Variants in MC2R observed in about 807,000 individuals in gnomAD.
The protein encoded by MC2R is melanocortin 2 receptor, also known as adrenocorticotropic hormone receptor.
MC2R carries 9 observed loss-of-function variants against 9.8 expected under a neutral mutation model. The observed-to-expected ratio is 0.92, with a 90% CI of 0.55 to 1.60. The LOEUF is 1.60. Ranked by LOEUF, MC2R falls within the 40% of genes most tolerant of loss-of-function variation. MC2R has a pLI of 0.00. For missense variants in MC2R, 370 were observed against 389.0 expected (o/e 0.95, Z 0.41); for synonymous variants, 185 against 154.7 (o/e 1.20, Z -1.45).
At chr18:13,889,453 A>G (rs2045300293) in intron 1 of MC2R, among the ~76,000 whole-genome samples, 1 of 152,198 alleles carries the variant, frequency 6.6e-6, no homozygotes, top group Admixed American at 6.5e-5. Context: ...CAGAGCAGAC[A>G]ATTGGGGTAG....
At chr18:13,896,105 G>A (rs1464675916) in intron 1 of MC2R, among the ~76,000 whole-genome samples, 2 of 152,164 alleles carry the variant, frequency 1.3e-5, no homozygotes, top group African/African-American at 4.8e-5. Context: ...ATGTCAAAAT[G>A]TGAAATCTAT....
intron 1 of MC2R, among the ~76,000 whole-genome samples, chr18:13,906,347 C>A (rs978424946): frequency 6.6e-6 from 1 of 152,076 alleles, no homozygotes; most frequent in Non-Finnish European, 1.5e-5. Flanking sequence ...CCAAACACTG[C>A]ATGTTCTCAC....
At chr18:13,913,028 ACTG>A (rs2045454169) in intron 1 of MC2R, among the ~76,000 whole-genome samples, 1 of 152,144 alleles carries the variant, frequency 6.6e-6, no homozygotes. Context: ...TTCACAGAGA[ACTG>A]CTGCTTACAG....
intron 1 of MC2R, among the ~76,000 whole-genome samples, chr18:13,912,233 ATTC>A (rs1255083800): frequency 6.6e-6 from 1 of 152,146 alleles, no homozygotes; most frequent in Non-Finnish European, 1.5e-5. Context: ...AGTGAAAGGT[ATTC>A]TCTCTTAATG....
intron 1 of MC2R, among the ~76,000 whole-genome samples, chr18:13,902,215 C>T (rs1255937436): frequency 6.6e-6 from 1 of 151,900 alleles, no homozygotes; most frequent in East Asian, 1.9e-4. Flanking sequence ...TATAATAAAA[C>T]CATCAAAAAA....
intron 1 of MC2R, among the ~76,000 whole-genome samples, chr18:13,909,472 A>G (rs529543609): frequency 2.6e-5 from 4 of 152,268 alleles, no homozygotes; most frequent in East Asian, 1.9e-4. Flanking sequence ...CAGAGCAGAG[A>G]GTTCTGCCCC....
At position 13,900,273 on chromosome 18, in the gene MC2R, C is replaced by A. The variant is rs79065755; in HGVS notation, c.-128-14627G>T. On this transcript the variant is annotated intron_variant, in intron 1 of 1. Coordinates refer to ENST00000327606, the MANE Select transcript of MC2R (RefSeq NM_000529.2). ...AAACATACAATGGATACACAAAAAA[C>A]CAAAAGCAGGGAACTAAATCATATC... is the stretch of plus-strand genomic sequence containing the variant. Among the ~76,000 whole-genome samples the A allele has an allele frequency of 4.7e-4, 71 of 151,920 alleles. No homozygotes were observed. In the East Asian group the frequency reaches 0.012, roughly 26 times the overall value.
chr18:13,892,840 ACACACAC>A (rs2045324554), intron 1 of MC2R, among the ~76,000 whole-genome samples: 1 of 138,950 alleles, frequency 7.2e-6, no homozygotes, highest in East Asian at 2.1e-4. Context: ...ACACACACAC[ACACACAC>A]CACACACACA....
chr18:13,883,623 ACACACTCTCTCTCT>A lies in MC2R; in HGVS notation c.*988_*1001del, dbSNP rs1178631361. On this transcript the variant is annotated 3_prime_UTR_variant, in exon 2 of 2. Coordinates refer to ENST00000327606, the MANE Select transcript of MC2R (RefSeq NM_000529.2). ...CACACACACACACACACACACACAC[ACACACTCTCTCTCT>A]CTCTCTCTCTCTCTCTCTCTGTCTG... 1.2e-4 allele frequency: 6 copies of A among 49,232 alleles called. No individual in the cohort carries two copies. Among genetic ancestry groups the A allele is most frequent in the African/African-American group, 3.6e-4 (6 of 16,814 alleles). 3.0% of individuals were successfully genotyped at this position (49,232 alleles called of 1,614,324 possible).
In MC2R at chr18:13,885,031, A is replaced by T; in HGVS notation, c.488T>A (p.Ile163Asn). 6.2e-7 allele frequency: 1 copy of T among 1,614,196 alleles called. No individual in the cohort carries two copies. The highest frequency in any genetic ancestry group is 8.5e-7 in the Non-Finnish European group (1 of 1,180,040). ...ATGATGGGAGAAGATCACCATGGTGATGCCAGTCCCCGTGCAGAACGTCCA... is the reference window on the plus strand; with the variant it reads ...ATGATGGGAGAAGATCACCATGGTGTTGCCAGTCCCCGTGCAGAACGTCCA... ...VIWTFCTGTGITMVIFSHHVP... is the reference protein window; with the variant it reads ...VIWTFCTGTGNTMVIFSHHVP... Residue 163 changes from isoleucine to asparagine, a missense_variant, in exon 2 of 2, where the codon ATC (isoleucine) becomes AAC (asparagine). Transcript: ENST00000327606.
chr18:13,882,513 G>A lies in MC2R; in HGVS notation c.*2112C>T, dbSNP rs1351695995. 6.6e-6 allele frequency: 1 copy of A among 152,212 alleles called. No individual in the cohort carries two copies. Among genetic ancestry groups the A allele is most frequent in the African/African-American group, 2.4e-5 (1 of 41,452 alleles). 9.4% of individuals were successfully genotyped at this position (152,212 alleles called of 1,614,324 possible). On this transcript the variant is annotated 3_prime_UTR_variant, in exon 2 of 2. Coordinates refer to ENST00000327606, the MANE Select transcript of MC2R (RefSeq NM_000529.2). ...TGCAACAAATCAAAGGCAGTGAGAG[G>A]TGAAGTTTCTTGGTGATTTTCCTTC...
intron 1 of MC2R, among the ~76,000 whole-genome samples, chr18:13,910,049 G>C (rs1160481255): frequency 6.6e-6 from 1 of 152,152 alleles, no homozygotes; most frequent in Non-Finnish European, 1.5e-5. Flanking sequence ...TGTAAGTTTT[G>C]TAATTTTCAT....
In MC2R at chr18:13,884,202, C is replaced by T. The variant is rs1301835237; in HGVS notation, c.*423G>A. 1.2e-5 allele frequency: 3 copies of T among 252,934 alleles called. No individual in the cohort carries two copies. Among genetic ancestry groups the T allele is most frequent in the Admixed American group, 5.0e-5 (1 of 19,950 alleles). 15.7% of individuals were successfully genotyped at this position (252,934 alleles called of 1,614,324 possible). A position where few individuals can be genotyped will look rare whatever the true frequency, so the allele number is the denominator to read the frequency against. On this transcript the variant is annotated 3_prime_UTR_variant, in exon 2 of 2. Transcript: ENST00000327606. ...GGAAATTGGCTGCAATGGCCTCCAC[C>T]TGGAAAGGCCACCTCAGAACTGGCT... is the stretch of plus-strand genomic sequence containing the variant.
chr18:13,886,749 T>C (rs1279502698), intron 1 of MC2R, among the ~76,000 whole-genome samples: 1 of 152,016 alleles, frequency 6.6e-6, no homozygotes, highest in Non-Finnish European at 1.5e-5. Context: ...AGTGCACCAG[T>C]GGGGAAAGCC....
At chr18:13,899,891 A>G (rs2045368581) in intron 1 of MC2R, among the ~76,000 whole-genome samples, 1 of 152,182 alleles carries the variant, frequency 6.6e-6, no homozygotes, top group African/African-American at 2.4e-5. Flanking sequence ...AAGGATGTTA[A>G]TGAGCAATAA....
At position 13,902,833 on chromosome 18, in the gene MC2R, G is replaced by A. The variant is rs147945893; in HGVS notation, c.-129+12655C>T. ...AAGCACAGGTACCCAAACAAAAATGGACAAATGGGACCACATCAAGTTAAA... is the reference window on the plus strand; with the variant it reads ...AAGCACAGGTACCCAAACAAAAATGAACAAATGGGACCACATCAAGTTAAA... On this transcript the variant is annotated intron_variant, in intron 1 of 1. Transcript: ENST00000327606. Among the ~76,000 whole-genome samples, 184 of 152,224 alleles carry A rather than the reference G, an allele frequency of 1.2e-3. 4 individuals are homozygous for A. In the Middle Eastern group the frequency reaches 0.017, roughly 14 times the overall value.
intron 1 of MC2R, among the ~76,000 whole-genome samples, chr18:13,891,250 T>C (rs921872510): frequency 3.9e-5 from 6 of 152,242 alleles, no homozygotes; most frequent in Admixed American, 3.3e-4. Flanking sequence ...GATCACTTCC[T>C]CCTCCCTCTT....
intron 1 of MC2R, among the ~76,000 whole-genome samples, chr18:13,894,520 G>A (rs997928396): frequency 2.6e-5 from 4 of 152,224 alleles, no homozygotes; most frequent in African/African-American, 4.8e-5. Context: ...GATTCTATGC[G>A]ATAACGTATG....
At chr18:13,888,420 A>G (rs1361313244) in intron 1 of MC2R, among the ~76,000 whole-genome samples, 1 of 152,198 alleles carries the variant, frequency 6.6e-6, no homozygotes, top group Non-Finnish European at 1.5e-5. Context: ...AGTGCTCAGC[A>G]TGCCATGGGC....
Sources: gnomAD v4.1 joint callset for allele counts (sites outside exome capture counted in the v4.1 genomes callset) on GRCh38, gnomAD v4.1.1 for gene constraint, MANE v1.5 for transcripts, NCBI Gene and HGNC (gene_info 2026-07-23, HGNC 2026-07-21) for gene names.